B4GALT4: variants seen among roughly 807,000 people sequenced by gnomAD.
B4GALT4 encodes the protein beta-1,4-galactosyltransferase 4, also known as N-acetyllactosamine synthase.
In B4GALT4, 27 loss-of-function variants were observed where a neutral mutation model predicts 37.3. The observed-to-expected ratio is 0.72, with a 90% CI of 0.53 to 1.00. The LOEUF (loss-of-function observed/expected upper bound fraction) is 1.00. Among genes scored for constraint, B4GALT4 ranks in the 50% least tolerant of loss-of-function variants. The pLI is 0.00. For missense variants in B4GALT4, 372 were observed against 413.1 expected (o/e 0.90, Z 0.86); for synonymous variants, 148 against 154.1 (o/e 0.96, Z 0.29).
At chr3:119,229,106 T>A (rs1352565033) in intron 3 of B4GALT4, among the ~76,000 whole-genome samples, 1 of 152,250 alleles carries the variant, frequency 6.6e-6, no homozygotes, top group Non-Finnish European at 1.5e-5. Context: ...ACCTAGTCTC[T>A]GTCCCTTGAC....
chr3:119,229,802 A>C, intron 3 of B4GALT4, 45 bp downstream of exon 3: 1 of 1,589,584 alleles, frequency 6.3e-7, no homozygotes, highest in South Asian at 1.1e-5. Context: ...TACTTAAATA[A>C]AAAGTTTGCA....
chr3:119,218,590 G>C, intron 6 of B4GALT4, 60 bp downstream of exon 6: 2 of 1,604,878 alleles, frequency 1.2e-6, no homozygotes, highest in South Asian at 2.2e-5. Flanking sequence ...TATAAATGCA[G>C]GTCTCCAGAG....
chr3:119,224,930 T>C (rs900267503), intron 4 of B4GALT4, among the ~76,000 whole-genome samples: 3 of 152,256 alleles, frequency 2.0e-5, no homozygotes, highest in African/African-American at 7.2e-5. Flanking sequence ...TGTCAATTAG[T>C]ATTACTGCTT....
Position 119,229,967 on chromosome 3 carries a change from T to C in B4GALT4, c.133A>G (p.Lys45Glu). 1 of 1,614,204 alleles carries C rather than the reference T, an allele frequency of 6.2e-7. No individual in the cohort carries two copies. Among genetic ancestry groups the C allele is most frequent in the Non-Finnish European group, 8.5e-7 (1 of 1,180,038 alleles). Residue 45 changes from lysine to glutamate, a missense_variant, in exon 3 of 8, where the codon AAG (lysine) becomes GAG (glutamate). By Grantham distance (56) the Lys-to-Glu change is moderately conservative. Transcript: ENST00000393765. The stretch of plus-strand genomic sequence containing the variant: ...TTATGGAAATTAGCCATGAACTCCT[T>C]TGCTTTAGGAATCTCTTGAATGGCA... ...VGAIQEIPKAKEFMANFHKTL... is the reference protein window; with the variant it reads ...VGAIQEIPKAEEFMANFHKTL...
At chr3:119,216,418 G>T in intron 6 of B4GALT4, 74 bp from the exon 7 acceptor site, 4 of 1,124,996 alleles carry the variant, frequency 3.6e-6, no homozygotes, top group Non-Finnish European at 3.8e-6. Flanking sequence ...AGCATCATTT[G>T]CGAAAATTTA....
chr3:119,218,578 A>C, intron 6 of B4GALT4, 72 bp downstream of exon 6: 1 of 1,592,622 alleles, frequency 6.3e-7, no homozygotes, highest in Non-Finnish European at 8.6e-7. Context: ...TAAAGGAATA[A>C]ATATAAATGC....
At chr3:119,239,325 C>CA (rs10684280) in intron 1 of B4GALT4, among the ~76,000 whole-genome samples, 26,857 of 120,858 alleles carry the variant, frequency 0.22, 3,571 homozygotes, top group Non-Finnish European at 0.29. Context: ...GATTCCATCT[C>CA]AAAAAAAAAA....
Position 119,218,671 on chromosome 3 carries a change from T to G in B4GALT4, c.776A>C (p.Glu259Ala), listed in dbSNP as rs1435635835. Residue 259 changes from glutamate to alanine, a missense_variant, in exon 6 of 8, where the codon GAA (glutamate) becomes GCA (alanine). Glu to Ala is a moderately radical substitution (Grantham distance 107). Transcript: ENST00000393765. Reference protein sequence around the residue: ...FSNNYWGWGGEDDDLRLRVEL... With the variant: ...FSNNYWGWGGADDDLRLRVEL... ...TCACCTGAGTCTGAGGTCATCGTCT[T>G]CGCCTCCCCATCCCCAGTAGTTGTT... The G allele has an allele frequency of 7.4e-6, 12 of 1,614,200 alleles. No individual in the cohort carries two copies. The highest frequency in any genetic ancestry group is 1.0e-5 in the Non-Finnish European group (12 of 1,180,036).
chr3:119,235,740 G>A (rs2078968264), intron 2 of B4GALT4, among the ~76,000 whole-genome samples: 1 of 152,026 alleles, frequency 6.6e-6, no homozygotes, highest in African/African-American at 2.4e-5. Flanking sequence ...AATGATGACA[G>A]CCATTTACAT....
chr3:119,231,757 T>C (rs1386969131), intron 2 of B4GALT4, among the ~76,000 whole-genome samples: 6 of 141,876 alleles, frequency 4.2e-5, no homozygotes, highest in Non-Finnish European at 9.2e-5. Context: ...ATTTTATAAA[T>C]TTTATTTTAT....
intron 4 of B4GALT4, among the ~76,000 whole-genome samples, chr3:119,224,948 C>A (rs918643100): frequency 1.3e-5 from 2 of 152,214 alleles, no homozygotes; most frequent in Non-Finnish European, 2.9e-5. Context: ...CTTCACAGTT[C>A]AACCCTAGGT....
At chr3:119,237,347 T>C (rs2079014543) in intron 1 of B4GALT4, among the ~76,000 whole-genome samples, 1 of 152,202 alleles carries the variant, frequency 6.6e-6, no homozygotes. Context: ...GAGTTCAAAT[T>C]CTGGTTATCA....
intron 7 of B4GALT4, 24 bp downstream of exon 7, chr3:119,216,216 T>A: frequency 6.4e-7 from 1 of 1,571,772 alleles, no homozygotes; most frequent in Non-Finnish European, 8.7e-7. Context: ...GGTAGCCTGC[T>A]AGGCAGGTGA....
intron 3 of B4GALT4, 27 bp from the exon 4 acceptor site, chr3:119,227,068 T>C: frequency 6.3e-7 from 1 of 1,594,150 alleles, no homozygotes; most frequent in South Asian, 1.1e-5. Flanking sequence ...ACACAGACAA[T>C]AACAGTAGCT....
chr3:119,237,163 T>G (rs747534710), intron 1 of B4GALT4, 93 bp from the exon 2 acceptor site: 2 of 152,256 alleles, frequency 1.3e-5, no homozygotes, highest in African/African-American at 4.8e-5. Flanking sequence ...GAGGTTCCAA[T>G]AGAAGTTCAT....
intron 1 of B4GALT4, among the ~76,000 whole-genome samples, chr3:119,237,615 T>C (rs1227330959): frequency 6.6e-6 from 1 of 152,206 alleles, no homozygotes. Context: ...ACCACTGATA[T>C]AAGAGAATGG....
intron 6 of B4GALT4, among the ~76,000 whole-genome samples, chr3:119,217,053 G>A (rs1176849198): frequency 6.6e-6 from 1 of 152,172 alleles, no homozygotes; most frequent in East Asian, 1.9e-4. Context: ...AATCATCTTA[G>A]TTTATCTACC....
chr3:119,228,167 C>T (rs1382652106), intron 3 of B4GALT4, among the ~76,000 whole-genome samples: 1 of 152,198 alleles, frequency 6.6e-6, no homozygotes, highest in Non-Finnish European at 1.5e-5. Flanking sequence ...GGCCTGTTCA[C>T]AATCCCCATC....
chr3:119,223,019 A>G (rs1436332111), intron 5 of B4GALT4, among the ~76,000 whole-genome samples: 2 of 152,246 alleles, frequency 1.3e-5, no homozygotes, highest in Admixed American at 6.5e-5. Flanking sequence ...CAAGAGACTC[A>G]CTTTCCACTT....
Sources: allele counts gnomAD v4.1 joint callset (sites outside exome capture counted in the v4.1 genomes callset), GRCh38; gene constraint gnomAD v4.1.1; transcripts MANE v1.5; gene names NCBI Gene and HGNC (gene_info 2026-07-23, HGNC 2026-07-21).